The following BCAR3 variants were observed in gnomAD, a reference collection of about 807,000 sequenced individuals.
BCAR3 encodes breast cancer anti-estrogen resistance protein 3.
In BCAR3, 37 loss-of-function variants were observed where a neutral mutation model predicts 80.1. The ratio of observed to expected loss-of-function variants is 0.46; its 90% CI spans 0.36 to 0.61. The LOEUF is 0.61. Ranked by LOEUF, BCAR3 falls within the 20% of genes least tolerant of loss-of-function variation. The pLI is 0.00. For synonymous variants in BCAR3, 389 were observed against 418.9 expected, an observed-to-expected ratio of 0.93 and a Z score of 0.87; for missense variants, 978 against 1,068.2, an observed-to-expected ratio of 0.92 and a Z score of 1.18.
intron 3 of BCAR3, among the ~76,000 whole-genome samples, chr1:93,596,892 C>A (rs1347749741): frequency 6.6e-6 from 1 of 152,206 alleles, no homozygotes; most frequent in Non-Finnish European, 1.5e-5. Flanking sequence ...CCCCACACAG[C>A]AGCTGTGGGC....
chr1:93,845,046 G>T (rs532764179), intron 2 of BCAR3, among the ~76,000 whole-genome samples: 2 of 151,984 alleles, frequency 1.3e-5, no homozygotes, highest in East Asian at 3.9e-4. Context: ...AAAATTATTC[G>T]TTTGAATCAT....
intron 2 of BCAR3, among the ~76,000 whole-genome samples, chr1:93,728,897 GA>G (rs956251160): frequency 1.1e-3 from 171 of 149,084 alleles, no homozygotes; most frequent in African/African-American, 3.9e-3. Flanking sequence ...ATTTGGGCAG[GA>G]AAAAAAAAAT....
chr1:93,578,645 G>C (rs888690693), intron 7 of BCAR3, among the ~76,000 whole-genome samples: 4 of 152,156 alleles, frequency 2.6e-5, no homozygotes, highest in Non-Finnish European at 4.4e-5. Context: ...CCTGCCCAGA[G>C]GCCCCACAGC....
intron 2 of BCAR3, among the ~76,000 whole-genome samples, chr1:93,787,250 A>G (rs150792613): frequency 1.3e-5 from 2 of 152,154 alleles, no homozygotes; most frequent in Non-Finnish European, 2.9e-5. Flanking sequence ...GCTTGAAGGA[A>G]TGGAGGAAAA....
intron 2 of BCAR3, among the ~76,000 whole-genome samples, chr1:93,659,650 A>C (rs1179735641): frequency 6.6e-6 from 1 of 152,114 alleles, no homozygotes; most frequent in Non-Finnish European, 1.5e-5. Context: ...TTCTCATTTT[A>C]TATTTTTTAG....
intron 3 of BCAR3, among the ~76,000 whole-genome samples, chr1:93,687,454 T>C (rs986780910): frequency 5.3e-5 from 8 of 152,104 alleles, no homozygotes; most frequent in Non-Finnish European, 1.2e-4. Flanking sequence ...ACTACAGGTG[T>C]GCGCCACAAT....
At chr1:93,660,877 G>A (rs236282) in intron 2 of BCAR3, among the ~76,000 whole-genome samples, 1,956 of 152,102 alleles carry the variant, frequency 0.013, 42 homozygotes, top group African/African-American at 0.043. Context: ...ACCATGCCTG[G>A]ATAATTTCTT....
intron 3 of BCAR3, among the ~76,000 whole-genome samples, chr1:93,619,743 C>T (rs376861205): frequency 5.4e-4 from 83 of 152,318 alleles, no homozygotes; most frequent in African/African-American, 1.7e-3. Flanking sequence ...ACCTCCACTG[C>T]GCCAGTTCTC....
intron 3 of BCAR3, among the ~76,000 whole-genome samples, chr1:93,627,360 C>T (rs991681522): frequency 3.3e-5 from 5 of 152,202 alleles, no homozygotes; most frequent in Admixed American, 6.5e-5. Context: ...TCAGAGTCCA[C>T]ATTGCAGTTA....
At chr1:93,811,360 G>T (rs1206291823) in intron 2 of BCAR3, among the ~76,000 whole-genome samples, 2 of 152,182 alleles carry the variant, frequency 1.3e-5, no homozygotes, top group African/African-American at 4.8e-5. Context: ...TGACTGATAT[G>T]GAATGCCTTC....
chr1:93,627,714 T>A (rs937851714), intron 3 of BCAR3, among the ~76,000 whole-genome samples: 1 of 152,250 alleles, frequency 6.6e-6, no homozygotes, highest in East Asian at 1.9e-4. Flanking sequence ...ATAAACATTT[T>A]AAAATATTCC....
chr1:93,633,756 T>A (rs1342389659), intron 3 of BCAR3, among the ~76,000 whole-genome samples: 1 of 152,232 alleles, frequency 6.6e-6, no homozygotes, highest in Non-Finnish European at 1.5e-5. Context: ...TGCCTCCGCC[T>A]CCCGAGTAGC....
At chr1:93,696,968 G>T (rs1431674715) in intron 3 of BCAR3, among the ~76,000 whole-genome samples, 2 of 152,180 alleles carry the variant, frequency 1.3e-5, no homozygotes, top group East Asian at 3.9e-4. Flanking sequence ...CTCCAGCCCT[G>T]ATTGATACTC....
At chr1:93,761,197 A>C (rs905610581) in intron 2 of BCAR3, among the ~76,000 whole-genome samples, 3 of 152,128 alleles carry the variant, frequency 2.0e-5, no homozygotes, top group Admixed American at 2.0e-4. Flanking sequence ...GGCTGAGATG[A>C]CGGGGGTGTG....
intron 2 of BCAR3, among the ~76,000 whole-genome samples, chr1:93,658,278 C>T (rs1647486127): frequency 6.6e-6 from 1 of 151,936 alleles, no homozygotes; most frequent in Admixed American, 6.6e-5. Flanking sequence ...GAGGTCTTAG[C>T]CAGTACAGTT....
chr1:93,767,315 G>C (rs74709928), intron 2 of BCAR3, among the ~76,000 whole-genome samples: 1 of 152,090 alleles, frequency 6.6e-6, no homozygotes, highest in Admixed American at 6.5e-5. Context: ...TTGAGCACAG[G>C]AGTTCCAGAC....
At chr1:93,768,581 G>A (rs1571112206) in intron 2 of BCAR3, among the ~76,000 whole-genome samples, 1 of 152,172 alleles carries the variant, frequency 6.6e-6, no homozygotes, top group East Asian at 1.9e-4. Context: ...CCGGAGCTGG[G>A]AGTGCAATGT....
chr1:93,612,203 T>G (rs559717884), intron 3 of BCAR3, among the ~76,000 whole-genome samples: 1 of 152,168 alleles, frequency 6.6e-6, no homozygotes, highest in African/African-American at 2.4e-5. Context: ...AAACCCTAAG[T>G]TGGGACCGAG....
At chr1:93,589,538 G>T in intron 4 of BCAR3, 119 bp from the exon 5 acceptor site, 1 of 868,184 alleles carries the variant, frequency 1.2e-6, no homozygotes, top group Admixed American at 2.8e-5. Flanking sequence ...CTCTTCTTGG[G>T]TCAGCTCTTT....
Sources: gnomAD v4.1 joint callset for allele counts (sites outside exome capture counted in the v4.1 genomes callset) on GRCh38, gnomAD v4.1.1 for gene constraint, MANE v1.5 for transcripts, NCBI Gene and HGNC (gene_info 2026-07-23, HGNC 2026-07-21) for gene names.